Variants in CDH11 observed in about 807,000 individuals in gnomAD.
The protein encoded by CDH11 is cadherin 11.
In CDH11, 11 loss-of-function variants were observed where a neutral mutation model predicts 67.8. That is an observed-to-expected ratio of 0.16 (90% CI 0.10 to 0.27). CDH11 has a LOEUF of 0.27. Among genes scored for constraint, CDH11 ranks in the 10% least tolerant of loss-of-function variants. The pLI is 1.00. For synonymous variants in CDH11, 419 were observed against 400.0 expected (o/e 1.05, Z -0.57); for missense variants, 847 against 1,031.2 (o/e 0.82, Z 2.45).
At chr16:64,972,442 A>C (rs989286287) in intron 9 of CDH11, among the ~76,000 whole-genome samples, 2 of 152,184 alleles carry the variant, frequency 1.3e-5, no homozygotes, top group African/African-American at 2.4e-5. Context: ...AAAAATTCTC[A>C]GGCCCTATCC....
intron 7 of CDH11, chr16:64,987,874 C>T (rs2072525813): frequency 3.5e-6 from 1 of 289,472 alleles, no homozygotes. Context: ...TCTCATTGTC[C>T]TTCCCTCCAT....
intron 11 of CDH11, chr16:64,968,392 G>A (rs949391330): frequency 1.0e-6 from 1 of 979,994 alleles, no homozygotes; most frequent in Non-Finnish European, 1.2e-6. Flanking sequence ...TGTGATTTAA[G>A]AGATGCCACA....
chr16:65,045,329 G>GTATATATA (rs57695452), intron 2 of CDH11, among the ~76,000 whole-genome samples: 2,505 of 62,808 alleles, frequency 0.04, 405 homozygotes, highest in Non-Finnish European at 0.049. Context: ...TCCCTCAAAA[G>GTATATATA]TATATATATA....
At chr16:65,001,880 T>C (rs903910395) in intron 3 of CDH11, among the ~76,000 whole-genome samples, 1 of 151,424 alleles carries the variant, frequency 6.6e-6, no homozygotes, top group Non-Finnish European at 1.5e-5. Context: ...ACGCAGCCAA[T>C]TCCTAACTCC....
intron 11 of CDH11, among the ~76,000 whole-genome samples, chr16:64,964,378 T>C (rs186709720): frequency 6.6e-6 from 1 of 152,024 alleles, no homozygotes; most frequent in African/African-American, 2.4e-5. Flanking sequence ...TGTTGAAACA[T>C]AGAAAAAGTA....
At chr16:64,969,237 C>G (rs2071934007) in intron 11 of CDH11, among the ~76,000 whole-genome samples, 1 of 152,144 alleles carries the variant, frequency 6.6e-6, no homozygotes, top group Non-Finnish European at 1.5e-5. Flanking sequence ...CAGAGGTTAA[C>G]AGCAACTAAA....
At chr16:64,961,216 G>C (rs2071665803) in intron 11 of CDH11, among the ~76,000 whole-genome samples, 1 of 152,122 alleles carries the variant, frequency 6.6e-6, no homozygotes, top group Non-Finnish European at 1.5e-5. Flanking sequence ...ATCAAGGACG[G>C]AGAAGGCCAA....
chr16:64,965,277 G>A (rs992091610), intron 11 of CDH11, among the ~76,000 whole-genome samples: 1 of 151,448 alleles, frequency 6.6e-6, no homozygotes, highest in Non-Finnish European at 1.5e-5. Context: ...AGCTACCTGG[G>A]AGTCTGAGGC....
chr16:65,083,486 G>C (rs16968442), intron 1 of CDH11, among the ~76,000 whole-genome samples: 2,942 of 152,330 alleles, frequency 0.019, 106 homozygotes, highest in African/African-American at 0.068. Context: ...GCTGAGAAGG[G>C]TGTGTCCAAA....
chr16:65,019,894 G>A (rs745724573), intron 2 of CDH11, among the ~76,000 whole-genome samples: 21 of 148,794 alleles, frequency 1.4e-4, no homozygotes, highest in Non-Finnish European at 2.2e-4. Flanking sequence ...TCTAAACTAG[G>A]CCAAAAAAAA....
intron 11 of CDH11, among the ~76,000 whole-genome samples, chr16:64,954,279 A>T: frequency 6.6e-6 from 1 of 152,364 alleles, no homozygotes; most frequent in Middle Eastern, 3.4e-3. Flanking sequence ...AACCTCTGCT[A>T]TTAAAACATG....
chr16:64,971,981 A>G lies in CDH11; in HGVS notation c.1474T>C (p.Tyr492His). The G allele has an allele frequency of 1.2e-6, 2 of 1,613,978 alleles. No individual in the cohort carries two copies. The highest frequency in any genetic ancestry group is 1.7e-6 in the Non-Finnish European group (2 of 1,179,876). The change falls in exon 10 of 13, where the codon TAT becomes CAT. Residue 492 changes from tyrosine (Y) to histidine (H), a missense_variant. Physicochemically the swap from Tyr to His is moderately conservative, Grantham distance 83 (BLOSUM62 2). This residue lies in a region of CDH11 where 612 missense variants were observed against 678.7 expected (regional missense o/e 0.90). Transcript: ENST00000268603. ...TCACTCTCACAGATGAAACCTTCAT[A>G]AGGGGCAGCAAACTTGGGAGCATTA... ...NDNAPKFAAP[Y>H]EGFICESDQT...
intron 8 of CDH11, among the ~76,000 whole-genome samples, chr16:64,973,637 C>T (rs1039447611): frequency 6.6e-6 from 1 of 152,022 alleles, no homozygotes; most frequent in East Asian, 1.9e-4. Flanking sequence ...GAAATCGCAT[C>T]TCTACTAAAA....
chr16:64,951,182 T>C (rs1421949285), intron 11 of CDH11, among the ~76,000 whole-genome samples, 164 bp from the exon 12 acceptor site: 2 of 152,216 alleles, frequency 1.3e-5, no homozygotes, highest in African/African-American at 4.8e-5. Flanking sequence ...CCACAGCCGT[T>C]TGGCATGATC....
At chr16:65,080,104 G>A (rs950047555) in intron 1 of CDH11, among the ~76,000 whole-genome samples, 8 of 151,226 alleles carry the variant, frequency 5.3e-5, no homozygotes, top group Non-Finnish European at 8.8e-5. Context: ...TTCTTCTGTC[G>A]TACCTGACTT....
chr16:64,998,588 G>C lies in CDH11; in HGVS notation c.497C>G (p.Ala166Gly), dbSNP rs1403034112. The change falls in exon 4 of 13, where the codon GCC becomes GGC. Residue 166 changes from alanine to glycine, a missense_variant. By Grantham distance (60) the Ala-to-Gly change is moderately conservative (BLOSUM62 0). Around this residue, in one of 2 missense-constraint regions of CDH11, gnomAD observed 235 missense variants for 352.5 expected, o/e 0.67. Transcript: ENST00000268603. ...PPEFLHETYHANVPERSNVGT... is the reference protein window; with the variant it reads ...PPEFLHETYHGNVPERSNVGT... ...CACATTGGACCTCTCAGGCACGTTG[G>C]CATGATAGGTCTCGTGCAGGAACTC... 6.2e-7 allele frequency: 1 copy of C among 1,613,980 alleles called. No homozygotes were observed. The highest frequency in any genetic ancestry group is 1.3e-5 in the African/African-American group (1 of 74,908).
At chr16:64,953,988 T>G (rs1472243713) in intron 11 of CDH11, among the ~76,000 whole-genome samples, 1 of 152,212 alleles carries the variant, frequency 6.6e-6, no homozygotes, top group Non-Finnish European at 1.5e-5. Flanking sequence ...GTGGAAGTCA[T>G]AATTTAAAAT....
intron 2 of CDH11, among the ~76,000 whole-genome samples, chr16:65,033,043 A>G (rs187715500): frequency 1.1e-4 from 16 of 152,340 alleles, no homozygotes; most frequent in African/African-American, 2.6e-4. Flanking sequence ...TGTGAAATGA[A>G]CTACCTTAAA....
At chr16:65,115,612 C>T (rs748640278) in intron 1 of CDH11, among the ~76,000 whole-genome samples, 29 of 150,534 alleles carry the variant, frequency 1.9e-4, no homozygotes, top group Non-Finnish European at 3.5e-4. Context: ...CAAGAAGACA[C>T]CTGAGTCTTG....
Sources: gnomAD v4.1 joint callset for allele counts (sites outside exome capture counted in the v4.1 genomes callset) on GRCh38, gnomAD v4.1.1 for gene constraint, gnomAD v4.1.1 regional missense constraint, MANE v1.5 for transcripts, NCBI Gene and HGNC (gene_info 2026-07-23, HGNC 2026-07-21) for gene names.